NECTIN3: variants seen among roughly 807,000 people sequenced by gnomAD.
NECTIN3 encodes the protein nectin-3.
NECTIN3 carries 8 observed loss-of-function variants against 49.4 expected under a neutral mutation model. That is an observed-to-expected ratio of 0.16 (90% CI 0.10 to 0.29). NECTIN3 has a LOEUF of 0.29. Ranked by LOEUF, NECTIN3 falls within the 10% of genes least tolerant of loss-of-function variation. The pLI is 1.00. For missense variants in NECTIN3, 581 were observed against 654.6 expected (o/e 0.89, Z 1.23); for synonymous variants, 277 against 241.1 (o/e 1.15, Z -1.38).
Position 111,135,215 on chromosome 3 carries a change from G to A in NECTIN3, c.*1000G>A. Reference sequence around the variant, plus strand: ...GTTCAAATGGGTAAATGTACAGAAAGAAAATTTTAGAGTAAACTTGGAACT... The same window carrying A: ...GTTCAAATGGGTAAATGTACAGAAAAAAAATTTTAGAGTAAACTTGGAACT... On this transcript the variant is annotated 3_prime_UTR_variant, in exon 6 of 6. Coordinates refer to ENST00000485303, the MANE Select transcript of NECTIN3 (RefSeq NM_015480.3). The A allele has an allele frequency of 1.0e-6, 1 of 974,802 alleles. No homozygotes were observed. Among genetic ancestry groups the A allele is most frequent in the Non-Finnish European group, 1.2e-6 (1 of 820,552 alleles). The allele number at this position is 974,802 out of a possible 1,614,324, so 60.4% of individuals were successfully genotyped here.
intron 7 of NECTIN3, among the ~76,000 whole-genome samples, chr3:111,186,793 AT>A (rs1358566051): frequency 1.3e-5 from 2 of 152,192 alleles, no homozygotes; most frequent in African/African-American, 4.8e-5. Context: ...CTCAATAGAA[AT>A]TGCTATAATA....
chr3:111,119,728 A>G (rs1000283150), intron 3 of NECTIN3, among the ~76,000 whole-genome samples: 1 of 152,228 alleles, frequency 6.6e-6, no homozygotes, highest in Non-Finnish European at 1.5e-5. Context: ...TAAAAATTTC[A>G]GGTAGTAAAA....
chr3:111,072,128 TCCGCTGCTGCTGCTGCTCTTC>T lies in NECTIN3; in HGVS notation c.123_143del (p.Leu42_Leu48del). The T allele has an allele frequency of 6.5e-7, 1 of 1,549,900 alleles. No individual in the cohort carries two copies. Among genetic ancestry groups the T allele is most frequent in the Non-Finnish European group, 8.7e-7 (1 of 1,146,492 alleles). On this transcript the variant is annotated inframe_deletion, in exon 1 of 6. Transcript: ENST00000485303. ...TCCTGCTGCAGCCCCCGACGCCACC[TCCGCTGCTGCTGCTGCTCTTC>T]CCGCTGCTGCTCTTCTCCAGGCTCT...
chr3:111,084,570 G>A (rs1241716113), intron 1 of NECTIN3, among the ~76,000 whole-genome samples: 1 of 152,126 alleles, frequency 6.6e-6, no homozygotes, highest in Non-Finnish European at 1.5e-5. Flanking sequence ...TTTTAAATGT[G>A]ATGTGATAGG....
In NECTIN3 at chr3:111,174,609, G is replaced by A. The variant is rs374818648; in HGVS notation, c.1222-17742G>A. Among the ~76,000 whole-genome samples the A allele has an allele frequency of 1.3e-4, 20 of 152,102 alleles. No homozygotes were observed. In the South Asian group the frequency reaches 1.5e-3, roughly 11 times the overall value. On this transcript the variant is annotated intron_variant, in intron 7 of 8. Coordinates refer to the NECTIN3 transcript ENST00000493615. Reference sequence around the variant, plus strand: ...ATATTAGGTCAGCAGGTAGTTACATGTCTACAGTGTGCTGGGTACTGAAAC... The same window carrying A: ...ATATTAGGTCAGCAGGTAGTTACATATCTACAGTGTGCTGGGTACTGAAAC...
At chr3:111,125,022 C>CTTTTTTTTTTT (rs869201432) in intron 4 of NECTIN3, among the ~76,000 whole-genome samples, 26 of 90,204 alleles carry the variant, frequency 2.9e-4, no homozygotes, top group South Asian at 7.6e-4. Context: ...TCTTTTCTTT[C>CTTTTTTTTTTT]TTTTTTTTTT....
chr3:111,172,141 T>C (rs1414182101), intron 7 of NECTIN3, among the ~76,000 whole-genome samples: 1 of 152,182 alleles, frequency 6.6e-6, no homozygotes, highest in Non-Finnish European at 1.5e-5. Context: ...GCTTGTCGTT[T>C]TCCCTTGTAT....
intron 7 of NECTIN3, among the ~76,000 whole-genome samples, chr3:111,185,266 C>A (rs1175308704): frequency 6.6e-6 from 1 of 152,090 alleles, no homozygotes; most frequent in Admixed American, 6.6e-5. Context: ...TTTTTCTCTT[C>A]TTACGTCACC....
At chr3:111,072,637 T>TA in intron 1 of NECTIN3, 1 of 1,467,062 alleles carries the variant, frequency 6.8e-7, no homozygotes, top group Non-Finnish European at 9.2e-7. Context: ...CTCATGGCCT[T>TA]CCACCCTGGA....
intron 5 of NECTIN3, among the ~76,000 whole-genome samples, chr3:111,130,973 T>G (rs1304220144): frequency 1.3e-5 from 2 of 152,116 alleles, no homozygotes; most frequent in Admixed American, 6.5e-5. Context: ...TGTGCACAGC[T>G]TGAATTTCAG....
intron 7 of NECTIN3, among the ~76,000 whole-genome samples, chr3:111,160,214 A>G (rs2107519207): frequency 6.6e-6 from 1 of 152,298 alleles, no homozygotes; most frequent in South Asian, 2.1e-4. Context: ...CCATTTCTGC[A>G]TGTACGTATA....
rs1401780386 is a variant in NECTIN3, at chr3:111,154,771, G to T, written c.1221+7287G>T. Among the ~76,000 whole-genome samples the T allele has an allele frequency of 5.9e-5, 9 of 152,090 alleles. No homozygotes were observed. The East Asian group carries it at 1.5e-3, about 26-fold the overall frequency. On this transcript the variant is annotated intron_variant, in intron 7 of 8. Coordinates refer to the NECTIN3 transcript ENST00000493615. ...AGAACATTTTTTCATTTGCTGGTTT[G>T]TCATCAGTTTATATTCTTTGGTGAA...
In NECTIN3 at chr3:111,136,343, C is replaced by A. The variant is rs1045242308; in HGVS notation, c.*2128C>A. The A allele has an allele frequency of 5.4e-5, 53 of 984,210 alleles. No homozygotes were observed. The highest frequency in any genetic ancestry group is 5.4e-5 in the Non-Finnish European group (45 of 829,364). 61.0% of individuals were successfully genotyped at this position (984,210 alleles called of 1,614,324 possible). A position where few individuals can be genotyped will look rare whatever the true frequency, so the allele number is the denominator to read the frequency against. On this transcript the variant is annotated 3_prime_UTR_variant, in exon 6 of 6. Transcript: ENST00000485303. Reference sequence around the variant, plus strand: ...TCCTTTTACATTGTGGTTATTTGTGCGATTAGGTTTTTTTGTTTGTTTCTT... The same window carrying A: ...TCCTTTTACATTGTGGTTATTTGTGAGATTAGGTTTTTTTGTTTGTTTCTT...
rs951016058 is a variant in NECTIN3 at position 111,147,375 on chromosome 3, A to G, written c.1140-28A>G. The G allele has an allele frequency of 5.8e-5, 83 of 1,434,416 alleles. 6 individuals are homozygous for G. Among genetic ancestry groups the G allele is most frequent in the Non-Finnish European group, 5.6e-6 (6 of 1,070,628 alleles). The allele number at this position is 1,434,416 out of a possible 1,614,324, so 88.9% of individuals were successfully genotyped here. On this transcript the variant is annotated intron_variant, in intron 6 of 8. Transcript: ENST00000493615. The stretch of plus-strand genomic sequence containing the variant: ...TTTTTTTTTTTTCCTAAATGTGACA[A>G]TCACATATTTTAACCTTTGCAATGC...
intron 7 of NECTIN3, among the ~76,000 whole-genome samples, chr3:111,165,929 CA>C (rs2107523394): frequency 6.6e-6 from 1 of 152,252 alleles, no homozygotes; most frequent in African/African-American, 2.4e-5. Flanking sequence ...ACTCATTCTT[CA>C]AAAAAGTTTT....
In NECTIN3 at chr3:111,072,037, C is replaced by A; in HGVS notation, c.20C>A (p.Pro7Gln). 1.3e-6 allele frequency: 2 copies of A among 1,535,526 alleles called. No individual in the cohort carries two copies. Among genetic ancestry groups the A allele is most frequent in the Non-Finnish European group, 1.8e-6 (2 of 1,140,582 alleles). ...TGGGGGATGGCGCGGACCCTGCGGC[C>A]GTCCCCGCTGTGTCCTGGAGGCGGC... is the stretch of plus-strand genomic sequence containing the variant. MARTLR[P>Q]SPLCPGGGKA... is the part of the protein sequence containing the mutation. The change falls in exon 1 of 6, where the codon CCG becomes CAG. Residue 7 changes from proline to glutamine, a missense_variant. By Grantham distance (76) the Pro-to-Gln change is moderately conservative. This residue lies in a region of NECTIN3 where 109 missense variants were observed against 69.1 expected (regional missense o/e 1.58). Coordinates refer to ENST00000485303, the MANE Select transcript of NECTIN3 (RefSeq NM_015480.3).
intron 7 of NECTIN3, among the ~76,000 whole-genome samples, chr3:111,172,825 G>T (rs897489247): frequency 2.0e-5 from 3 of 152,194 alleles, no homozygotes; most frequent in African/African-American, 7.2e-5. Context: ...TCCTGCACAC[G>T]TTGTTCTAAG....
At chr3:111,159,019 C>A (rs1168127826) in intron 7 of NECTIN3, among the ~76,000 whole-genome samples, 1 of 152,082 alleles carries the variant, frequency 6.6e-6, no homozygotes, top group South Asian at 2.1e-4. Context: ...ACAAGTTAAA[C>A]CACAATGAAT....
intron 7 of NECTIN3, among the ~76,000 whole-genome samples, chr3:111,148,793 C>T (rs546395245): frequency 2.4e-4 from 37 of 151,816 alleles, no homozygotes; most frequent in Non-Finnish European, 4.0e-4. Flanking sequence ...GGATAGTAAT[C>T]TTTTGTATTA....
Sources: gnomAD v4.1 joint callset for allele counts (sites outside exome capture counted in the v4.1 genomes callset) on GRCh38, gnomAD v4.1.1 for gene constraint, gnomAD v4.1.1 regional missense constraint, MANE v1.5 for transcripts, NCBI Gene and HGNC (gene_info 2026-07-23, HGNC 2026-07-21) for gene names.